ZNRF1: variants seen among roughly 807,000 people sequenced by gnomAD.
ZNRF1 encodes the protein zinc and ring finger 1.
In ZNRF1, 3 loss-of-function variants were observed where a neutral mutation model predicts 18.4. The ratio of observed to expected loss-of-function variants is 0.16; its 90% CI spans 0.07 to 0.42. The LOEUF (loss-of-function observed/expected upper bound fraction) is 0.42. Among genes scored for constraint, ZNRF1 ranks in the 10% least tolerant of loss-of-function variants. The pLI, the probability that ZNRF1 is intolerant of heterozygous loss-of-function variation, is 0.99. For missense variants in ZNRF1, 310 were observed against 329.8 expected (o/e 0.94, Z 0.47); for synonymous variants, 157 against 144.2 (o/e 1.09, Z -0.64).
At chr16:75,021,061 G>A (rs7194075) in intron 1 of ZNRF1, among the ~76,000 whole-genome samples, 133,511 of 152,174 alleles carry the variant, frequency 0.88, 59,013 homozygotes, top group Non-Finnish European at 0.93. Context: ...TGTTTTTGAG[G>A]TGGAGTTTTG....
At chr16:75,039,266 T>C (rs2035411717) in intron 1 of ZNRF1, among the ~76,000 whole-genome samples, 1 of 152,224 alleles carries the variant, frequency 6.6e-6, no homozygotes, top group Admixed American at 6.5e-5. Flanking sequence ...TTATTTTTAA[T>C]TTGTTTGGAA....
At chr16:75,002,617 T>G (rs995026503) in intron 1 of ZNRF1, among the ~76,000 whole-genome samples, 4 of 152,228 alleles carry the variant, frequency 2.6e-5, no homozygotes, top group African/African-American at 9.6e-5. Context: ...TGAAGGGCCC[T>G]GGTCCCAGCT....
intron 1 of ZNRF1, among the ~76,000 whole-genome samples, chr16:75,071,610 G>T (rs571964002): frequency 6.6e-6 from 1 of 152,230 alleles, no homozygotes; most frequent in South Asian, 2.1e-4. Flanking sequence ...CCGTACTCTG[G>T]GTCAGAACAG....
At chr16:75,040,461 T>C (rs1597874235) in intron 1 of ZNRF1, among the ~76,000 whole-genome samples, 1 of 151,926 alleles carries the variant, frequency 6.6e-6, no homozygotes, top group African/African-American at 2.4e-5. Flanking sequence ...TTAGTCAATC[T>C]CTGCTCCCCA....
intron 1 of ZNRF1, among the ~76,000 whole-genome samples, chr16:75,030,157 T>C (rs2035283435): frequency 6.6e-6 from 1 of 152,108 alleles, no homozygotes; most frequent in African/African-American, 2.4e-5. Flanking sequence ...TTTAGTATAT[T>C]CTGAGAATTG....
intron 1 of ZNRF1, among the ~76,000 whole-genome samples, chr16:75,065,394 G>A (rs1463992272): frequency 6.6e-6 from 1 of 151,608 alleles, no homozygotes; most frequent in Non-Finnish European, 1.5e-5. Flanking sequence ...GTTCTGGCCA[G>A]AGCCACGCTC....
In ZNRF1 at chr16:75,108,021, A is replaced by T. The variant is rs569217801; in HGVS notation, c.*321A>T. The T allele has an allele frequency of 3.8e-5, 12 of 315,538 alleles. No individual in the cohort carries two copies. The highest frequency in any genetic ancestry group is 1.0e-4 in the East Asian group (1 of 9,682). The allele number at this position is 315,538 out of a possible 1,614,324, so 19.5% of individuals were successfully genotyped here. A position where few individuals can be genotyped will look rare whatever the true frequency, so the allele number is the denominator to read the frequency against. On this transcript the variant is annotated 3_prime_UTR_variant, in exon 5 of 5. Transcript: ENST00000335325. ...AGTGTTTACAAAAAAAAATTATATAAAAAAAAAGTCTAGTGTCGACTGGTG... is the reference window on the plus strand; with the variant it reads ...AGTGTTTACAAAAAAAAATTATATATAAAAAAAGTCTAGTGTCGACTGGTG...
chr16:75,105,088 G>A, intron 3 of ZNRF1, 199 bp downstream of exon 3: 1 of 523,398 alleles, frequency 1.9e-6, no homozygotes, highest in South Asian at 2.0e-5. Flanking sequence ...GCAGAGCAGA[G>A]TGGAGTTGCC....
intron 1 of ZNRF1, among the ~76,000 whole-genome samples, chr16:75,048,220 G>A (rs960487262): frequency 2.0e-5 from 3 of 152,076 alleles, no homozygotes; most frequent in African/African-American, 4.8e-5. Context: ...CAAAGTGCTG[G>A]GATTACAGAC....
chr16:75,033,037 T>C (rs2035326702), intron 1 of ZNRF1, among the ~76,000 whole-genome samples: 1 of 152,160 alleles, frequency 6.6e-6, no homozygotes, highest in Non-Finnish European at 1.5e-5. Flanking sequence ...TTAAGGGTAC[T>C]ATTGGCAATA....
chr16:75,023,576 C>T (rs1014848224), intron 1 of ZNRF1, among the ~76,000 whole-genome samples: 50 of 152,096 alleles, frequency 3.3e-4, no homozygotes, highest in African/African-American at 1.1e-3. Context: ...CCCAGCTACT[C>T]GGGAGGCTGA....
intron 1 of ZNRF1, among the ~76,000 whole-genome samples, chr16:75,047,670 T>G (rs2035533894): frequency 6.6e-6 from 1 of 152,202 alleles, no homozygotes; most frequent in Non-Finnish European, 1.5e-5. Context: ...TAGATTTTCT[T>G]GCCTTTCCTA....
chr16:75,007,660 T>G (rs1329856664), intron 1 of ZNRF1, among the ~76,000 whole-genome samples: 1 of 152,212 alleles, frequency 6.6e-6, no homozygotes, highest in Non-Finnish European at 1.5e-5. Flanking sequence ...TAGTTAACGA[T>G]GCAGATGACT....
intron 1 of ZNRF1, among the ~76,000 whole-genome samples, chr16:75,043,641 C>G (rs2035477223): frequency 6.6e-6 from 1 of 151,954 alleles, no homozygotes; most frequent in Non-Finnish European, 1.5e-5. Flanking sequence ...AGCTCACAAT[C>G]TGATAAACTC....
intron 1 of ZNRF1, among the ~76,000 whole-genome samples, chr16:75,001,969 G>C (rs527503734): frequency 6.6e-6 from 1 of 152,144 alleles, no homozygotes; most frequent in African/African-American, 2.4e-5. Context: ...TTAGGGAAGG[G>C]TGTCAAAAGT....
rs1452873796 is a variant in ZNRF1 at position 75,013,547 on chromosome 16, A to G, written c.424+13452A>G. Among the ~76,000 whole-genome samples, 3 of 152,068 alleles carry G rather than the reference A, an allele frequency of 2.0e-5. No homozygotes were observed. In the East Asian group the frequency reaches 5.8e-4, roughly 29 times the overall value. Reference sequence around the variant, plus strand: ...TTTTTAGGAGAGATGGGGTTTTACCATGTTAGCCAGGATGGTCTCAATCTG... The same window carrying G: ...TTTTTAGGAGAGATGGGGTTTTACCGTGTTAGCCAGGATGGTCTCAATCTG... On this transcript the variant is annotated intron_variant, in intron 1 of 4. Transcript: ENST00000335325.
chr16:75,013,834 T>G (rs887999975), intron 1 of ZNRF1, among the ~76,000 whole-genome samples: 4 of 152,036 alleles, frequency 2.6e-5, no homozygotes, highest in African/African-American at 9.7e-5. Flanking sequence ...TAATTTAATT[T>G]TATTTTTTTT....
intron 1 of ZNRF1, among the ~76,000 whole-genome samples, chr16:75,001,406 G>C (rs975338602): frequency 1.5e-5 from 2 of 130,436 alleles, no homozygotes; most frequent in Non-Finnish European, 3.6e-5. Context: ...CTTAGAAGTA[G>C]CTTGTGAATT....
chr16:75,047,250 G>C (rs1482745636), intron 1 of ZNRF1, among the ~76,000 whole-genome samples: 1 of 152,168 alleles, frequency 6.6e-6, no homozygotes, highest in African/African-American at 2.4e-5. Flanking sequence ...ACAGTTCACT[G>C]TAATCTTGAA....
Sources: gnomAD v4.1 joint callset for allele counts (sites outside exome capture counted in the v4.1 genomes callset) on GRCh38, gnomAD v4.1.1 for gene constraint, MANE v1.5 for transcripts, NCBI Gene and HGNC (gene_info 2026-07-23, HGNC 2026-07-21) for gene names.